Variants in SLC25A31 observed in about 807,000 individuals in gnomAD.
SLC25A31 encodes solute carrier family 25 member 31.
A neutral mutation model predicts 36.2 loss-of-function variants in SLC25A31; 40 were observed. The observed-to-expected ratio is 1.10, with a 90% confidence interval of 0.86 to 1.44. The LOEUF (loss-of-function observed/expected upper bound fraction) is 1.44, where lower values mean the gene tolerates loss of function less well. SLC25A31 is among the 40% of genes most tolerant of loss of function. The pLI is 0.00. For missense variants in SLC25A31, 350 were observed against 397.1 expected (o/e 0.88, Z 1.01); for synonymous variants, 143 against 149.7 (o/e 0.96, Z 0.32).
At chr4:127,738,828 T>C (rs897398828) in intron 1 of SLC25A31, among the ~76,000 whole-genome samples, 2 of 152,232 alleles carry the variant, frequency 1.3e-5, no homozygotes, top group Admixed American at 6.5e-5. Context: ...TTAAATCTTC[T>C]TGTTGAATTG....
At chr4:127,736,737 A>G (rs1731639594) in intron 1 of SLC25A31, among the ~76,000 whole-genome samples, 1 of 152,250 alleles carries the variant, frequency 6.6e-6, no homozygotes, top group Non-Finnish European at 1.5e-5. Context: ...AGGATTAAAG[A>G]AGATAATGCA....
intron 2 of SLC25A31, among the ~76,000 whole-genome samples, chr4:127,748,865 C>T (rs1731870529): frequency 6.6e-6 from 1 of 152,108 alleles, no homozygotes; most frequent in Admixed American, 6.5e-5. Context: ...ACATGGATAA[C>T]AAAGACTCAG....
chr4:127,764,364 T>C lies in SLC25A31; in HGVS notation c.478+4T>C, dbSNP rs1479300665. 1 of 1,600,964 alleles carries C rather than the reference T, an allele frequency of 6.2e-7. No homozygotes were observed. ...TTAGGTGTCGATATTGGAAAAGGTA[T>C]GAGATTTTTAGAAATACTAACTTTT... On this transcript the variant is annotated splice_donor_region_variant and intron_variant, in intron 3 of 5. Coordinates refer to ENST00000281154, the MANE Select transcript of SLC25A31 (RefSeq NM_031291.4).
intron 2 of SLC25A31, 56 bp downstream of exon 2, chr4:127,744,855 A>G (rs1731797165): frequency 1.6e-6 from 2 of 1,260,718 alleles, no homozygotes. Context: ...TCCATCCAAT[A>G]TAAATTTCCC....
intron 2 of SLC25A31, among the ~76,000 whole-genome samples, chr4:127,751,903 A>C (rs1159674828): frequency 2.6e-5 from 4 of 152,222 alleles, no homozygotes; most frequent in Non-Finnish European, 4.4e-5. Flanking sequence ...GGCAATCATT[A>C]AAAAGTCAGG....
At chr4:127,736,526 T>C (rs1225652346) in intron 1 of SLC25A31, among the ~76,000 whole-genome samples, 2 of 152,226 alleles carry the variant, frequency 1.3e-5, no homozygotes, top group Non-Finnish European at 2.9e-5. Flanking sequence ...CAAAAAATAC[T>C]GTTTTATCCA....
Position 127,773,718 on chromosome 4 carries a change from G to A in SLC25A31, c.*144G>A, listed in dbSNP as rs954736112. On this transcript the variant is annotated 3_prime_UTR_variant, in exon 6 of 6. Transcript: ENST00000281154. Reference sequence around the variant, plus strand: ...TGCAATAAAGCATACATTTTTTCAAGAATTTAAATACTAAAAATCAGATAA... The same window carrying A: ...TGCAATAAAGCATACATTTTTTCAAAAATTTAAATACTAAAAATCAGATAA... 6 of 574,716 alleles carry A rather than the reference G, an allele frequency of 1.0e-5. No homozygotes were observed. The highest frequency in any genetic ancestry group is 9.6e-5 in the African/African-American group (5 of 51,832). The allele number at this position is 574,716 out of a possible 1,614,324, so 35.6% of individuals were successfully genotyped here. A position where few individuals can be genotyped will look rare whatever the true frequency, so the allele number is the denominator to read the frequency against.
chr4:127,755,114 C>G (rs566946388), intron 2 of SLC25A31, among the ~76,000 whole-genome samples: 5 of 152,092 alleles, frequency 3.3e-5, no homozygotes, highest in Non-Finnish European at 5.9e-5. Context: ...AAATTGGACT[C>G]TTATCTCACA....
intron 2 of SLC25A31, among the ~76,000 whole-genome samples, chr4:127,756,754 T>A (rs1414068167): frequency 1.3e-5 from 2 of 152,106 alleles, no homozygotes; most frequent in East Asian, 1.9e-4. Context: ...TACCGAAAAA[T>A]TTTTTTAAGT....
chr4:127,735,891 TA>T (rs748211973), intron 1 of SLC25A31, among the ~76,000 whole-genome samples: 60,981 of 115,510 alleles, frequency 0.53, 17,192 homozygotes, highest in Middle Eastern at 0.71. Flanking sequence ...TTTATTTATT[TA>T]TTTATTTTTT....
intron 3 of SLC25A31, 101 bp from the exon 4 acceptor site, chr4:127,766,965 G>T (rs1421283350): frequency 8.9e-6 from 9 of 1,011,960 alleles, no homozygotes; most frequent in Non-Finnish European, 1.2e-5. Context: ...AGATTTGTAA[G>T]TGGGAATTTC....
chr4:127,766,167 T>TTTTGTA (rs1732239327), intron 3 of SLC25A31, among the ~76,000 whole-genome samples: 1 of 151,210 alleles, frequency 6.6e-6, no homozygotes, highest in Non-Finnish European at 1.5e-5. Flanking sequence ...TTTTTTTGTT[T>TTTTGTA]TTTGTTTTTG....
chr4:127,758,584 T>C (rs1174639812), intron 2 of SLC25A31, among the ~76,000 whole-genome samples: 1 of 152,162 alleles, frequency 6.6e-6, no homozygotes, highest in Non-Finnish European at 1.5e-5. Flanking sequence ...TTGTCTAGGA[T>C]TTTTTTAGTT....
intron 3 of SLC25A31, among the ~76,000 whole-genome samples, chr4:127,766,669 C>T (rs927647271): frequency 3.3e-5 from 5 of 152,060 alleles, no homozygotes; most frequent in Non-Finnish European, 5.9e-5. Flanking sequence ...CACTGTGTTG[C>T]CCAGGCTGGT....
intron 2 of SLC25A31, among the ~76,000 whole-genome samples, chr4:127,750,636 G>A (rs956523397): frequency 2.6e-5 from 4 of 152,034 alleles, no homozygotes; most frequent in South Asian, 2.1e-4. Context: ...AGAAGTAAAC[G>A]TGTAGAGTTT....
chr4:127,737,388 A>G (rs756884833), intron 1 of SLC25A31, among the ~76,000 whole-genome samples: 6 of 152,146 alleles, frequency 3.9e-5, no homozygotes, highest in Admixed American at 1.3e-4. Flanking sequence ...TGCAAATACA[A>G]TTTTTCTCAA....
Position 127,764,188 on chromosome 4 carries a change from T to G in SLC25A31, c.361-55T>G, listed in dbSNP as rs116023154. 1.3e-3 allele frequency: 1,906 copies of G among 1,441,430 alleles called. 22 individuals are homozygous for G. In the African/African-American group the frequency reaches 0.023, roughly 17 times the overall value. 89.3% of individuals were successfully genotyped at this position (1,441,430 alleles called of 1,614,324 possible). A position where few individuals can be genotyped will look rare whatever the true frequency, so the allele number is the denominator to read the frequency against. Reference sequence around the variant, plus strand: ...ATAAAAATAAGAATTTACCAGGTATTTTAAACAGTTAGATTCTGTGGTTTA... The same window carrying G: ...ATAAAAATAAGAATTTACCAGGTATGTTAAACAGTTAGATTCTGTGGTTTA... On this transcript the variant is annotated intron_variant, in intron 2 of 5. Transcript: ENST00000281154.
intron 2 of SLC25A31, among the ~76,000 whole-genome samples, chr4:127,748,648 T>C (rs1012981377): frequency 6.6e-6 from 1 of 152,188 alleles, no homozygotes; most frequent in Non-Finnish European, 1.5e-5. Context: ...ACTACAGTTT[T>C]TGGTTAGAGA....
intron 2 of SLC25A31, among the ~76,000 whole-genome samples, chr4:127,762,118 G>A (rs1049661608): frequency 6.6e-6 from 1 of 152,180 alleles, no homozygotes; most frequent in Admixed American, 6.5e-5. Context: ...CTCTGGGCAA[G>A]ACCTCCTGAC....
Sources: allele counts gnomAD v4.1 joint callset (sites outside exome capture counted in the v4.1 genomes callset), GRCh38; gene constraint gnomAD v4.1.1; transcripts MANE v1.5; gene names NCBI Gene and HGNC (gene_info 2026-07-23, HGNC 2026-07-21).